Variants in ARHGAP15 observed in about 807,000 individuals in gnomAD.
ARHGAP15 encodes Rho GTPase activating protein 15.
A neutral mutation model predicts 63.7 loss-of-function variants in ARHGAP15; 51 were observed. The ratio of observed to expected loss-of-function variants is 0.80; its 90% CI spans 0.64 to 1.01. ARHGAP15 has a LOEUF of 1.01. Ranked by LOEUF, ARHGAP15 falls within the 50% of genes least tolerant of loss-of-function variation. The probability of loss-of-function intolerance (pLI) is 0.00; values close to 1 mark genes in which losing one functional copy is unlikely to be tolerated. For synonymous variants in ARHGAP15, 191 were observed against 193.8 expected, an observed-to-expected ratio of 0.99 and a Z score of 0.12; for missense variants, 560 against 564.6, an observed-to-expected ratio of 0.99 and a Z score of 0.08.
At chr2:143,755,667 A>C (rs2105536866) in intron 13 of ARHGAP15, among the ~76,000 whole-genome samples, 1 of 152,158 alleles carries the variant, frequency 6.6e-6, no homozygotes, top group South Asian at 2.1e-4. Flanking sequence ...GTCCCTCTTA[A>C]AGTCACTGCA....
intron 12 of ARHGAP15, among the ~76,000 whole-genome samples, chr2:143,673,758 G>GTGTGTGTGTGTGTGTGTGTATATATATA (rs1553520615): frequency 4.5e-5 from 1 of 22,116 alleles, no homozygotes. Context: ...GTGTGTGTGT[G>GTGTGTGTGTGTGTGTGTGTATATATATA]TATATATATA....
At chr2:143,402,444 A>G (rs1371462786) in intron 6 of ARHGAP15, among the ~76,000 whole-genome samples, 1 of 151,284 alleles carries the variant, frequency 6.6e-6, no homozygotes, top group Non-Finnish European at 1.5e-5. Context: ...CTGAGTTCGC[A>G]AAAGGAAATG....
Position 143,687,196 on chromosome 2 carries a change from G to T in ARHGAP15, c.1139-16223G>T, listed in dbSNP as rs189961564. Among the ~76,000 whole-genome samples the T allele has an allele frequency of 2.0e-5, 3 of 151,912 alleles. No individual in the cohort carries two copies. The East Asian group carries it at 5.8e-4, about 29-fold the overall frequency. ...TCTTAAAGAAAAGAGGGATTGATAT[G>T]GCTTAAAGGCTCAGGTATGAGAAAA... On this transcript the variant is annotated intron_variant, in intron 12 of 13. Coordinates refer to ENST00000295095, the MANE Select transcript of ARHGAP15 (RefSeq NM_018460.4).
chr2:143,445,153 A>ATTTTTT lies in ARHGAP15; in HGVS notation c.703+8131_703+8136dup, dbSNP rs10671306. On this transcript the variant is annotated intron_variant, in intron 8 of 13. Transcript: ENST00000295095. ...TTGAAGTCAAAGATTAAGAACAATT[A>ATTTTTT]TTTTTTTTTTTTTTTTTTTTTTTTT... 9.6e-3 allele frequency among the ~76,000 whole-genome samples: 712 copies of ATTTTTT among 74,340 alleles called. 25 individuals carry two copies. Among genetic ancestry groups the ATTTTTT allele is most frequent in the Middle Eastern group, 0.025 (2 of 80 alleles). 48.8% of individuals were successfully genotyped at this position (74,340 alleles called of 152,430 possible). A position where few individuals can be genotyped will look rare whatever the true frequency, so the allele number is the denominator to read the frequency against.
intron 12 of ARHGAP15, among the ~76,000 whole-genome samples, chr2:143,637,259 T>A (rs1450556177): frequency 1.3e-5 from 2 of 152,292 alleles, no homozygotes; most frequent in East Asian, 3.9e-4. Flanking sequence ...AGCTTCCTCC[T>A]ATATTCTCAC....
chr2:143,261,688 A>G (rs1480461613), intron 6 of ARHGAP15, among the ~76,000 whole-genome samples: 1 of 152,042 alleles, frequency 6.6e-6, no homozygotes, highest in East Asian at 1.9e-4. Flanking sequence ...AAATCTTTTT[A>G]AGCAAATAGT....
chr2:143,558,307 A>G (rs1175613337), intron 11 of ARHGAP15, among the ~76,000 whole-genome samples: 1 of 151,976 alleles, frequency 6.6e-6, no homozygotes, highest in Non-Finnish European at 1.5e-5. Flanking sequence ...CACATACACA[A>G]GCTTCCAGCC....
At chr2:143,543,923 C>T (rs1190816815) in intron 10 of ARHGAP15, among the ~76,000 whole-genome samples, 1 of 152,142 alleles carries the variant, frequency 6.6e-6, no homozygotes, top group African/African-American at 2.4e-5. Context: ...AGTTAGGTCT[C>T]TCCTAGACCA....
intron 1 of ARHGAP15, among the ~76,000 whole-genome samples, chr2:143,134,036 A>C (rs757004033): frequency 6.6e-6 from 1 of 152,182 alleles, no homozygotes; most frequent in African/African-American, 2.4e-5. Context: ...GCCTCCTGTA[A>C]AAAGAGTGAT....
intron 2 of ARHGAP15, among the ~76,000 whole-genome samples, chr2:143,174,754 A>G (rs354699): frequency 0.64 from 97,287 of 151,944 alleles, 31,524 homozygotes; most frequent in Non-Finnish European, 0.68. Context: ...GGTCTCCCCC[A>G]TATCTGGAGG....
intron 10 of ARHGAP15, among the ~76,000 whole-genome samples, chr2:143,526,574 A>C (rs1312266448): frequency 6.6e-6 from 1 of 152,210 alleles, no homozygotes; most frequent in Non-Finnish European, 1.5e-5. Flanking sequence ...GGTGTCATTT[A>C]CACAGTGGGA....
At chr2:143,338,974 A>T (rs995479349) in intron 6 of ARHGAP15, among the ~76,000 whole-genome samples, 2 of 152,190 alleles carry the variant, frequency 1.3e-5, no homozygotes, top group Non-Finnish European at 2.9e-5. Flanking sequence ...GATAATAGAA[A>T]ACCAAGAAAG....
At chr2:143,757,840 A>G (rs1473175339) in intron 13 of ARHGAP15, among the ~76,000 whole-genome samples, 1 of 152,150 alleles carries the variant, frequency 6.6e-6, no homozygotes, top group Admixed American at 6.5e-5. Context: ...GGATTTTATA[A>G]TAATAAAAAC....
chr2:143,328,751 A>G (rs960696899), intron 6 of ARHGAP15, among the ~76,000 whole-genome samples: 2 of 151,168 alleles, frequency 1.3e-5, no homozygotes, highest in Admixed American at 1.3e-4. Context: ...TAGGATGAAT[A>G]AAAACTACTA....
At chr2:143,601,429 T>G (rs1697766081) in intron 11 of ARHGAP15, 1 of 152,060 alleles carries the variant, frequency 6.6e-6, no homozygotes, top group African/African-American at 2.4e-5. Context: ...ACCTTAACAT[T>G]TACATTAGTC....
At chr2:143,484,990 G>C (rs1692259672) in intron 8 of ARHGAP15, among the ~76,000 whole-genome samples, 1 of 152,120 alleles carries the variant, frequency 6.6e-6, no homozygotes, top group Non-Finnish European at 1.5e-5. Flanking sequence ...AAGGACTCAG[G>C]CTGTCTTGGT....
intron 4 of ARHGAP15, among the ~76,000 whole-genome samples, chr2:143,217,866 T>C (rs1379762191): frequency 6.6e-6 from 1 of 152,140 alleles, no homozygotes; most frequent in East Asian, 1.9e-4. Flanking sequence ...AGAATAGAGG[T>C]GACAGCATTG....
At position 143,438,068 on chromosome 2, in the gene ARHGAP15, C is replaced by T. The variant is rs188319736; in HGVS notation, c.703+1026C>T. On this transcript the variant is annotated intron_variant, in intron 8 of 13. Transcript: ENST00000295095. Reference sequence around the variant, plus strand: ...TTTGGAACCAGAGAAAACCTATTTCCCAAAGTCTTAAAAATTATAGTATTT... The same window carrying T: ...TTTGGAACCAGAGAAAACCTATTTCTCAAAGTCTTAAAAATTATAGTATTT... Among the ~76,000 whole-genome samples the T allele has an allele frequency of 2.0e-3, 308 of 152,168 alleles. 2 individuals are homozygous for T. The highest frequency in any genetic ancestry group is 7.3e-3 in the African/African-American group (302 of 41,542).
At chr2:143,661,999 G>A (rs933957925) in intron 12 of ARHGAP15, among the ~76,000 whole-genome samples, 80 of 152,240 alleles carry the variant, frequency 5.3e-4, no homozygotes, top group African/African-American at 1.7e-3. Context: ...GGGGAGGGGC[G>A]CCCGCCATTG....
Sources: allele counts gnomAD v4.1 joint callset (sites outside exome capture counted in the v4.1 genomes callset), GRCh38; gene constraint gnomAD v4.1.1; transcripts MANE v1.5; gene names NCBI Gene and HGNC (gene_info 2026-07-23, HGNC 2026-07-21).